Variants in ZBTB44 observed in about 807,000 individuals in gnomAD.
ZBTB44 encodes the protein zinc finger and BTB domain-containing protein 44.
Under a neutral mutation model 54.0 loss-of-function variants are expected in ZBTB44, and 15 were observed. The ratio of observed to expected loss-of-function variants is 0.28; its 90% CI spans 0.19 to 0.43. The LOEUF is 0.43. Ranked by LOEUF, ZBTB44 falls within the 20% of genes least tolerant of loss-of-function variation. The pLI is 1.00. For missense variants in ZBTB44, 487 were observed against 707.1 expected (o/e 0.69, Z 3.53); for synonymous variants, 230 against 250.1 (o/e 0.92, Z 0.76).
intron 1 of ZBTB44, among the ~76,000 whole-genome samples, chr11:130,312,702 A>G (rs929577749): frequency 6.6e-6 from 1 of 152,240 alleles, no homozygotes; most frequent in Non-Finnish European, 1.5e-5. Flanking sequence ...CAAAATGACT[A>G]AAGACTTAAT....
intron 5 of ZBTB44, among the ~76,000 whole-genome samples, chr11:130,235,737 C>A (rs577095008): frequency 6.6e-6 from 1 of 151,954 alleles, no homozygotes; most frequent in African/African-American, 2.4e-5. Flanking sequence ...TGGTGGCTCA[C>A]GCCTGTAATC....
intron 3 of ZBTB44, 65 bp downstream of exon 3, chr11:130,239,747 A>T (rs1954271066): frequency 6.9e-6 from 9 of 1,309,018 alleles, no homozygotes; most frequent in Non-Finnish European, 9.8e-6. Context: ...TTGAGATGAA[A>T]TGCTTGAATT....
intron 2 of ZBTB44, among the ~76,000 whole-genome samples, chr11:130,254,587 G>A (rs1938288868): frequency 6.6e-6 from 1 of 152,184 alleles, no homozygotes; most frequent in African/African-American, 2.4e-5. Context: ...AGGTGCTGGA[G>A]AGGATGTGGA....
At position 130,229,486 on chromosome 11, in the gene ZBTB44, T is replaced by G. The variant is rs1953797518; in HGVS notation, c.*2278A>C. Reference sequence around the variant, plus strand: ...ATTATTGCTTTTGGCTAATTCATCTTGCTGAGGACTTTCCAAATAAAAATA... The same window carrying G: ...ATTATTGCTTTTGGCTAATTCATCTGGCTGAGGACTTTCCAAATAAAAATA... On this transcript the variant is annotated 3_prime_UTR_variant, in exon 8 of 8. Coordinates refer to ENST00000357899, the MANE Select transcript of ZBTB44 (RefSeq NM_001301098.2). 6.6e-6 allele frequency: 1 copy of G among 152,180 alleles called. No individual in the cohort carries two copies. Among genetic ancestry groups the G allele is most frequent in the East Asian group, 1.9e-4 (1 of 5,198 alleles). The allele number at this position is 152,180 out of a possible 1,614,324, so 9.4% of individuals were successfully genotyped here. A position where few individuals can be genotyped will look rare whatever the true frequency, so the allele number is the denominator to read the frequency against.
At chr11:130,283,632 G>A (rs967094656) in intron 1 of ZBTB44, among the ~76,000 whole-genome samples, 7 of 151,798 alleles carry the variant, frequency 4.6e-5, no homozygotes, top group Admixed American at 1.3e-4. Flanking sequence ...AGCTTTATTC[G>A]ACAATGAGAA....
At chr11:130,238,946 A>G (rs1954234218) in intron 3 of ZBTB44, 1 of 164,600 alleles carries the variant, frequency 6.1e-6, no homozygotes, top group Admixed American at 6.2e-5. Flanking sequence ...TTAATTAAAA[A>G]AGAAAAGATG....
At chr11:130,268,311 AC>A (rs1300955383) in intron 1 of ZBTB44, among the ~76,000 whole-genome samples, 2 of 152,052 alleles carry the variant, frequency 1.3e-5, no homozygotes, top group Non-Finnish European at 2.9e-5. Context: ...CATTAAACAA[AC>A]TGCCACAACT....
intron 7 of ZBTB44, chr11:130,232,831 C>T (rs1341164888): frequency 2.6e-5 from 4 of 152,616 alleles, no homozygotes; most frequent in African/African-American, 9.7e-5. Flanking sequence ...GAGACCTCAT[C>T]TCTACAAAAA....
At chr11:130,235,829 C>G (rs1304068443) in intron 5 of ZBTB44, among the ~76,000 whole-genome samples, 1 of 151,894 alleles carries the variant, frequency 6.6e-6, no homozygotes, top group Non-Finnish European at 1.5e-5. Context: ...TGGTGAAACC[C>G]CATCTCTACT....
chr11:130,260,951 C>T lies in ZBTB44; in HGVS notation c.923G>A (p.Ser308Asn), dbSNP rs1170048310. The T allele has an allele frequency of 1.2e-6, 2 of 1,613,924 alleles. No homozygotes were observed. Among genetic ancestry groups the T allele is most frequent in the African/African-American group, 2.7e-5 (2 of 74,938 alleles). Residue 308 changes from serine to asparagine, a missense_variant, in exon 2 of 8, where the codon AGT (serine) becomes AAT (asparagine). Around this residue, in one of 3 missense-constraint regions of ZBTB44, gnomAD observed 277 missense variants for 306.5 expected, o/e 0.90. Transcript: ENST00000357899. ...ATCACTCAGCGAACTCTGAGATGCA[C>T]TGACAGGCTGGGACACTTCCTCATG... Reference protein sequence around the residue: ...EVHEEVSQPVSASQSSLSDQQ... With the variant: ...EVHEEVSQPVNASQSSLSDQQ...
intron 5 of ZBTB44, chr11:130,235,981 A>G: frequency 1.2e-6 from 1 of 865,686 alleles, no homozygotes. Context: ...AAAAAAAAAA[A>G]GAAAGATTTG....
At chr11:130,245,284 T>C (rs1455184383) in intron 2 of ZBTB44, among the ~76,000 whole-genome samples, 1 of 152,226 alleles carries the variant, frequency 6.6e-6, no homozygotes, top group Non-Finnish European at 1.5e-5. Flanking sequence ...CAGGTTCTTC[T>C]GACTTGTTTT....
At chr11:130,312,732 A>G (rs1014332919) in intron 1 of ZBTB44, among the ~76,000 whole-genome samples, 6 of 152,134 alleles carry the variant, frequency 3.9e-5, no homozygotes, top group Non-Finnish European at 8.8e-5. Context: ...CAATCAATGC[A>G]TGAATCTTGA....
At chr11:130,237,236 T>C in intron 4 of ZBTB44, 143 bp from the exon 5 acceptor site, 1 of 886,836 alleles carries the variant, frequency 1.1e-6, no homozygotes, top group East Asian at 3.3e-5. Flanking sequence ...TCTAATTGAG[T>C]ATCTCAGAAA....
At chr11:130,233,125 T>A in intron 7 of ZBTB44, 183 bp downstream of exon 7, 2 of 566,328 alleles carry the variant, frequency 3.5e-6, no homozygotes, top group Non-Finnish European at 6.1e-6. Context: ...ATAGAATATC[T>A]CCAGTATTTT....
intron 1 of ZBTB44, among the ~76,000 whole-genome samples, chr11:130,309,643 A>G (rs1404220171): frequency 2.0e-5 from 3 of 151,842 alleles, no homozygotes; most frequent in Non-Finnish European, 2.9e-5. Flanking sequence ...GGAGGCCAGG[A>G]TTACACTTCA....
At chr11:130,283,903 G>C (rs1940724757) in intron 1 of ZBTB44, among the ~76,000 whole-genome samples, 1 of 150,274 alleles carries the variant, frequency 6.7e-6, no homozygotes, top group Non-Finnish European at 1.5e-5. Flanking sequence ...CCGGGAGGTG[G>C]AGGCTGCAGT....
chr11:130,307,268 C>CA (rs982547581), intron 1 of ZBTB44, among the ~76,000 whole-genome samples: 1 of 151,588 alleles, frequency 6.6e-6, no homozygotes, highest in African/African-American at 2.4e-5. Context: ...ACTAAAAATA[C>CA]AAAAAAATTA....
chr11:130,289,506 G>GT (rs1327348285), intron 1 of ZBTB44, among the ~76,000 whole-genome samples: 2 of 150,058 alleles, frequency 1.3e-5, no homozygotes, highest in Admixed American at 1.3e-4. Flanking sequence ...AAAGATTTAG[G>GT]TAAAAGACGG....
Sources: gnomAD v4.1 joint callset for allele counts (sites outside exome capture counted in the v4.1 genomes callset) on GRCh38, gnomAD v4.1.1 for gene constraint, gnomAD v4.1.1 regional missense constraint, MANE v1.5 for transcripts, NCBI Gene and HGNC (gene_info 2026-07-23, HGNC 2026-07-21) for gene names.